The following CSMD1 variants were observed in gnomAD, a reference collection of about 807,000 sequenced individuals.
CSMD1 encodes CUB and Sushi multiple domains 1, also known as CUB and sushi domain-containing protein 1.
CSMD1 carries 213 observed loss-of-function variants against 417.5 expected under a neutral mutation model. That is an observed-to-expected ratio of 0.51 (90% CI 0.46 to 0.57). The LOEUF (loss-of-function observed/expected upper bound fraction) is 0.57, where lower values mean the gene tolerates loss of function less well. CSMD1 is among the 20% of genes least tolerant of loss of function. The pLI, the probability that CSMD1 is intolerant of heterozygous loss-of-function variation, is 0.00. For missense variants in CSMD1, 6,923 were observed against 4,529.7 expected (o/e 1.53, Z -15.17); for synonymous variants, 2,862 against 1,736.8 (o/e 1.65, Z -16.11).
chr8:4,939,273 A>C (rs569162605), intron 1 of CSMD1, among the ~76,000 whole-genome samples: 1 of 152,306 alleles, frequency 6.6e-6, no homozygotes, highest in African/African-American at 2.4e-5. Context: ...AAATAGAACA[A>C]CCATATGATG....
intron 10 of CSMD1, among the ~76,000 whole-genome samples, chr8:3,498,339 T>C (rs1055620230): frequency 3.3e-5 from 5 of 152,258 alleles, no homozygotes; most frequent in Non-Finnish European, 7.3e-5. Context: ...AGTTTAACGA[T>C]CAAATCAGGA....
intron 3 of CSMD1, among the ~76,000 whole-genome samples, chr8:4,248,766 G>A (rs941632833): frequency 6.6e-5 from 10 of 152,106 alleles, no homozygotes; most frequent in Admixed American, 2.0e-4. Context: ...TTAAGCGCAT[G>A]GTTTACTGTC....
intron 11 of CSMD1, among the ~76,000 whole-genome samples, chr8:3,490,963 G>C (rs1200889774): frequency 1.3e-5 from 2 of 152,122 alleles, no homozygotes; most frequent in Non-Finnish European, 2.9e-5. Context: ...TTCCACTGAG[G>C]TTTATATAAA....
chr8:4,165,295 G>C lies in CSMD1; in HGVS notation c.416-133196C>G, dbSNP rs527354230. Among the ~76,000 whole-genome samples the C allele has an allele frequency of 2.2e-3, 330 of 152,344 alleles. 3 individuals carry two copies. The highest frequency in any genetic ancestry group is 7.1e-3 in the African/African-American group (294 of 41,576). On this transcript the variant is annotated intron_variant, in intron 3 of 69. Transcript: ENST00000635120. Reference sequence around the variant, plus strand: ...TACAGCTGTTGATCCACTCGGTTAAGTTCTGTGTGCCGGGTATCTCAGCTG... The same window carrying C: ...TACAGCTGTTGATCCACTCGGTTAACTTCTGTGTGCCGGGTATCTCAGCTG...
intron 3 of CSMD1, among the ~76,000 whole-genome samples, chr8:4,150,779 T>A (rs2131053013): frequency 6.6e-6 from 1 of 152,318 alleles, no homozygotes; most frequent in Middle Eastern, 3.4e-3. Flanking sequence ...AAAGATCATT[T>A]AAATGTGTAG....
intron 54 of CSMD1, among the ~76,000 whole-genome samples, chr8:2,997,415 G>A (rs1807009527): frequency 6.6e-6 from 1 of 152,136 alleles, no homozygotes; most frequent in African/African-American, 2.4e-5. Flanking sequence ...TAAGTTCCTG[G>A]CTTCAATTTC....
intron 50 of CSMD1, 135 bp from the exon 51 acceptor site, chr8:3,029,648 C>T (rs1676916742): frequency 3.0e-6 from 2 of 672,726 alleles, no homozygotes; most frequent in Middle Eastern, 3.9e-4. Context: ...CGTATTATCT[C>T]AGTGTTTCTC....
intron 3 of CSMD1, among the ~76,000 whole-genome samples, chr8:4,415,050 C>T (rs1171737337): frequency 6.6e-6 from 1 of 152,142 alleles, no homozygotes. Context: ...TTTCATAGTC[C>T]AGTGAAAGTA....
intron 2 of CSMD1, among the ~76,000 whole-genome samples, chr8:4,463,281 T>C (rs1228841471): frequency 6.8e-6 from 1 of 147,806 alleles, no homozygotes; most frequent in Non-Finnish European, 1.5e-5. Context: ...AAAAAGACAG[T>C]TAGTAAGTGT....
chr8:3,308,831 C>T (rs1013994166), intron 23 of CSMD1, among the ~76,000 whole-genome samples: 6 of 143,962 alleles, frequency 4.2e-5, no homozygotes, highest in African/African-American at 1.5e-4. Context: ...TCAAGTGATT[C>T]TCCTGCCTCA....
intron 3 of CSMD1, among the ~76,000 whole-genome samples, chr8:4,278,797 T>C (rs1472988680): frequency 6.6e-6 from 1 of 152,192 alleles, no homozygotes; most frequent in Non-Finnish European, 1.5e-5. Flanking sequence ...AATGCTTTCA[T>C]TTGTGTTTAT....
chr8:4,461,957 G>A (rs1367818311), intron 2 of CSMD1, among the ~76,000 whole-genome samples: 2 of 151,960 alleles, frequency 1.3e-5, no homozygotes, highest in African/African-American at 4.8e-5. Flanking sequence ...TAGCCAGGAT[G>A]GGCTCTATCT....
intron 2 of CSMD1, among the ~76,000 whole-genome samples, chr8:4,482,111 C>G (rs953757796): frequency 6.6e-6 from 1 of 152,104 alleles, no homozygotes; most frequent in African/African-American, 2.4e-5. Context: ...TTTTAAAAAA[C>G]TTTTAAGTTC....
chr8:4,160,990 G>C (rs13266067), intron 3 of CSMD1, among the ~76,000 whole-genome samples: 47,816 of 151,984 alleles, frequency 0.31, 9,399 homozygotes, highest in Non-Finnish European at 0.43. Flanking sequence ...TTATTCTTTG[G>C]TGATCACTTT....
intron 2 of CSMD1, among the ~76,000 whole-genome samples, chr8:4,611,852 T>C (rs1269282315): frequency 6.6e-6 from 1 of 152,214 alleles, no homozygotes; most frequent in African/African-American, 2.4e-5. Flanking sequence ...CACCAGGGTT[T>C]GAAGTGCCTG....
intron 1 of CSMD1, among the ~76,000 whole-genome samples, chr8:4,935,524 G>A (rs1807555661): frequency 6.6e-6 from 1 of 152,174 alleles, no homozygotes; most frequent in African/African-American, 2.4e-5. Flanking sequence ...ATGAACGAAT[G>A]AATGAATACA....
At chr8:3,931,933 T>G (rs1003806314) in intron 5 of CSMD1, among the ~76,000 whole-genome samples, 1 of 149,108 alleles carries the variant, frequency 6.7e-6, no homozygotes, top group Non-Finnish European at 1.5e-5. Context: ...AGAACCCAAT[T>G]GTAGCTGTAG....
intron 11 of CSMD1, among the ~76,000 whole-genome samples, chr8:3,475,352 T>A (rs6990536): frequency 0.59 from 89,759 of 152,004 alleles, 27,185 homozygotes; most frequent in Middle Eastern, 0.73. Context: ...TAAACATTTT[T>A]AAAATAAATC....
intron 1 of CSMD1, among the ~76,000 whole-genome samples, chr8:4,819,932 A>C (rs1799426099): frequency 6.6e-6 from 1 of 152,154 alleles, no homozygotes; most frequent in African/African-American, 2.4e-5. Context: ...ATCATAAGTA[A>C]TTTTTGAAAT....
Sources: allele counts gnomAD v4.1 joint callset (sites outside exome capture counted in the v4.1 genomes callset), GRCh38; gene constraint gnomAD v4.1.1; transcripts MANE v1.5; gene names NCBI Gene and HGNC (gene_info 2026-07-23, HGNC 2026-07-21).